The following USPL1 variants were observed in gnomAD, a reference collection of about 807,000 sequenced individuals.
USPL1 encodes the protein ubiquitin specific peptidase like 1, also known as SUMO-specific isopeptidase USPL1.
USPL1 carries 27 observed loss-of-function variants against 51.5 expected under a neutral mutation model. The ratio of observed to expected loss-of-function variants is 0.52; its 90% confidence interval spans 0.39 to 0.72. The LOEUF is 0.72. Ranked by LOEUF, USPL1 falls within the 30% of genes least tolerant of loss-of-function variation. The probability of loss-of-function intolerance (pLI) is 0.00; values close to 1 mark genes in which losing one functional copy is unlikely to be tolerated. For missense variants in USPL1, 1,226 were observed against 1,268.0 expected, an observed-to-expected ratio of 0.97 and a Z score of 0.50; for synonymous variants, 451 against 459.6, an observed-to-expected ratio of 0.98 and a Z score of 0.24.
At chr13:30,647,110 T>G (rs1951028240) in intron 7 of USPL1, 53 bp downstream of exon 7, 1 of 1,539,712 alleles carries the variant, frequency 6.5e-7, no homozygotes, top group African/African-American at 1.4e-5. Flanking sequence ...TGGATTTACA[T>G]TTTTCTTAAT....
chr13:30,630,801 G>A (rs767133359), intron 3 of USPL1, 34 bp from the exon 4 acceptor site: 2 of 1,533,092 alleles, frequency 1.3e-6, no homozygotes, highest in Non-Finnish European at 1.8e-6. Flanking sequence ...ATTTGAATTT[G>A]TGTAGTTTTT....
intron 3 of USPL1, among the ~76,000 whole-genome samples, chr13:30,625,891 C>T (rs557802746): frequency 6.6e-5 from 10 of 152,096 alleles, no homozygotes; most frequent in African/African-American, 2.4e-4. Flanking sequence ...AATGAGAGCC[C>T]AGTGTACTTT....
chr13:30,631,172 C>T lies in USPL1; in HGVS notation c.566C>T (p.Ala189Val). 6.2e-7 allele frequency: 1 copy of T among 1,614,154 alleles called. No homozygotes were observed. The highest frequency in any genetic ancestry group is 8.5e-7 in the Non-Finnish European group (1 of 1,180,016). ...TVDMATTKDP[A>V]TVDVSGTGRP... ...GACATGGCTACTACAAAAGATCCTG[C>T]TACAGTTGATGTCTCTGGAACTGGC... Residue 189 changes from alanine (A) to valine (V), a missense_variant, in exon 4 of 9, where the codon GCT (alanine) becomes GTT (valine). Transcript: ENST00000255304.
intron 3 of USPL1, among the ~76,000 whole-genome samples, chr13:30,622,270 GAAATTGGTTAGTCCA>G (rs1164847133): frequency 6.6e-6 from 1 of 152,060 alleles, no homozygotes; most frequent in Admixed American, 6.5e-5. Flanking sequence ...GAGTATTTTG[GAAATTGGTTAGTCCA>G]AAACCAGTAT....
Position 30,642,612 on chromosome 13 carries a change from C to T in USPL1, c.983-16C>T, listed in dbSNP as rs750797499. On this transcript the variant is annotated splice_polypyrimidine_tract_variant and intron_variant, in intron 5 of 8. Coordinates refer to ENST00000255304, the MANE Select transcript of USPL1 (RefSeq NM_005800.5). ...TTATTGATTATGAGCAGTAATTCTT[C>T]CTTTTCTTTTTGAAGGTGATATGGA... The T allele has an allele frequency of 1.9e-6, 3 of 1,596,944 alleles. No homozygotes were observed. Among genetic ancestry groups the T allele is most frequent in the Non-Finnish European group, 2.6e-6 (3 of 1,175,322 alleles).
chr13:30,654,526 A>G (rs1462803535), intron 8 of USPL1, among the ~76,000 whole-genome samples: 4 of 151,958 alleles, frequency 2.6e-5, no homozygotes, highest in East Asian at 1.9e-4. Context: ...TGCTATGGCA[A>G]TACTGTTTTA....
In USPL1 at chr13:30,658,268, A is replaced by G. The variant is rs563442311; in HGVS notation, c.2191A>G (p.Thr731Ala). 1.2e-6 allele frequency: 2 copies of G among 1,613,552 alleles called. No homozygotes were observed. The highest frequency in any genetic ancestry group is 1.3e-5 in the African/African-American group (1 of 74,940). The part of the protein sequence containing the change: ...QVSNLKKKET[T>A]ADSQTTTSKS... ...ATCTAATTTGAAGAAAAAAGAAACT[A>G]CAGCAGATTCTCAAACCACAACATC... is the stretch of plus-strand genomic sequence containing the variant. The change falls in exon 9 of 9, where the codon ACA becomes GCA. Residue 731 changes from threonine to alanine, a missense_variant. Coordinates refer to ENST00000255304, the MANE Select transcript of USPL1 (RefSeq NM_005800.5).
chr13:30,655,849 C>A (rs953922677), intron 8 of USPL1, among the ~76,000 whole-genome samples: 1 of 152,186 alleles, frequency 6.6e-6, no homozygotes, highest in South Asian at 2.1e-4. Context: ...TGGTGTTTGA[C>A]ATCGTGATTT....
At chr13:30,626,192 T>TA (rs1420183599) in intron 3 of USPL1, among the ~76,000 whole-genome samples, 1 of 152,136 alleles carries the variant, frequency 6.6e-6, no homozygotes, top group Non-Finnish European at 1.5e-5. Flanking sequence ...CATATGCCTG[T>TA]AATCCCAGCT....
chr13:30,639,593 T>C (rs1372621868), intron 5 of USPL1, among the ~76,000 whole-genome samples: 13 of 152,100 alleles, frequency 8.5e-5, no homozygotes, highest in Admixed American at 8.5e-4. Flanking sequence ...CAAGGTGTAA[T>C]TTACATATAG....
rs1366118901 is a variant in USPL1, at chr13:30,642,719, C to T, written c.1074C>T (p.Asp358=). The T allele has an allele frequency of 5.0e-6, 8 of 1,613,696 alleles. No homozygotes were observed. The highest frequency in any genetic ancestry group is 2.7e-5 in the African/African-American group (2 of 74,908). Residue 358 remains aspartate, a synonymous_variant, in exon 6 of 9, where the codon GAC becomes GAT. Transcript: ENST00000255304. Reference sequence around the variant, plus strand: ...TCTTCCTATATTCTTTTTCTTGGGACTTTGAATGTTCGCAGTGTGGACACC... The same window carrying T: ...TCTTCCTATATTCTTTTTCTTGGGATTTTGAATGTTCGCAGTGTGGACACC... The part of the protein sequence containing the change: ...EKLFLYSFSW[D]FECSQCGHQY...
At chr13:30,651,264 T>C (rs1299681640) in intron 7 of USPL1, among the ~76,000 whole-genome samples, 1 of 152,164 alleles carries the variant, frequency 6.6e-6, no homozygotes, top group African/African-American at 2.4e-5. Context: ...GTTAAGAAAA[T>C]CAAATTTCTA....
intron 4 of USPL1, among the ~76,000 whole-genome samples, chr13:30,631,727 G>A (rs953262228): frequency 1.3e-5 from 2 of 152,186 alleles, no homozygotes; most frequent in Admixed American, 1.3e-4. Flanking sequence ...CTGGGTGCAA[G>A]CACCCTTCCC....
chr13:30,622,553 G>A (rs915784538), intron 3 of USPL1, among the ~76,000 whole-genome samples: 1 of 152,114 alleles, frequency 6.6e-6, no homozygotes, highest in African/African-American at 2.4e-5. Context: ...GATTTCAGAG[G>A]GTTTGGGAAC....
chr13:30,627,894 T>A (rs1227293562), intron 3 of USPL1, among the ~76,000 whole-genome samples: 1 of 151,980 alleles, frequency 6.6e-6, no homozygotes, highest in Non-Finnish European at 1.5e-5. Context: ...TCTTTTTTTT[T>A]CTTTTGAGAT....
chr13:30,650,975 T>G (rs1391585171), intron 7 of USPL1, among the ~76,000 whole-genome samples: 6 of 148,480 alleles, frequency 4.0e-5, no homozygotes, highest in Admixed American at 1.4e-4. Flanking sequence ...GACAACAGAG[T>G]GAGACGCCAT....
At chr13:30,645,751 T>C (rs1331223870) in intron 6 of USPL1, among the ~76,000 whole-genome samples, 1 of 152,346 alleles carries the variant, frequency 6.6e-6, no homozygotes, top group East Asian at 1.9e-4. Context: ...AACATAGTCT[T>C]CAGAGGCAGA....
At chr13:30,656,303 C>T (rs917480372) in intron 8 of USPL1, among the ~76,000 whole-genome samples, 1 of 149,148 alleles carries the variant, frequency 6.7e-6, no homozygotes, top group African/African-American at 2.5e-5. Flanking sequence ...GTGCAACCAC[C>T]ATCACCATCA....
rs996918411 is a variant in USPL1 at position 30,647,200 on chromosome 13, C to T, written c.1238+143C>T. On this transcript the variant is annotated intron_variant, in intron 7 of 8. Coordinates refer to ENST00000255304, the MANE Select transcript of USPL1 (RefSeq NM_005800.5). ...TATATTTCTGGGTTGCCAGCTGCCTCGCTCTATCTGGCCAGTGAGCCCACT... is the reference window on the plus strand; with the variant it reads ...TATATTTCTGGGTTGCCAGCTGCCTTGCTCTATCTGGCCAGTGAGCCCACT... 13 of 972,412 alleles carry T rather than the reference C, an allele frequency of 1.3e-5. No homozygotes were observed. The East Asian group carries it at 3.0e-4, about 22-fold the overall frequency. 60.2% of individuals were successfully genotyped at this position (972,412 alleles called of 1,614,324 possible).
Sources: gnomAD v4.1 joint callset for allele counts (sites outside exome capture counted in the v4.1 genomes callset) on GRCh38, gnomAD v4.1.1 for gene constraint, MANE v1.5 for transcripts, NCBI Gene and HGNC (gene_info 2026-07-23, HGNC 2026-07-21) for gene names.